The following TBC1D8B variants were observed in gnomAD, a reference collection of about 807,000 sequenced individuals.
TBC1D8B encodes RP11-321G1.1.
In TBC1D8B, 75 loss-of-function variants were observed where a neutral mutation model predicts 82.9. The observed-to-expected ratio is 0.90, with a 90% CI of 0.75 to 1.10. The LOEUF (loss-of-function observed/expected upper bound fraction) is 1.10, where lower values mean the gene tolerates loss of function less well. TBC1D8B is among the 50% of genes least tolerant of loss of function. The pLI is 0.00. For synonymous variants in TBC1D8B, 276 were observed against 276.8 expected (o/e 1.00, Z 0.03); for missense variants, 794 against 796.9 (o/e 1.00, Z 0.04).
intron 2 of TBC1D8B, among the ~76,000 whole-genome samples, chrX:106,819,166 A>C (rs1161878900): frequency 9.0e-6 from 1 of 110,950 alleles, no homozygotes; most frequent in Non-Finnish European, 1.9e-5. Context: ...GTGAACCCAA[A>C]ACATAATGAC....
intron 1 of TBC1D8B, among the ~76,000 whole-genome samples, chrX:106,812,610 G>A (rs1449465992): frequency 9.0e-6 from 1 of 111,026 alleles, no homozygotes; most frequent in Non-Finnish European, 1.9e-5. Context: ...TACTAAACTA[G>A]CACATTGATA....
chrX:106,872,419 C>A (rs1358839737), intron 20 of TBC1D8B, among the ~76,000 whole-genome samples: 2 of 93,598 alleles, frequency 2.1e-5, no homozygotes, highest in African/African-American at 8.4e-5. Flanking sequence ...TAACAAAGGA[C>A]TATGGGAGTT....
At chrX:106,847,279 T>A (rs1932478488) in intron 10 of TBC1D8B, among the ~76,000 whole-genome samples, 1 of 111,615 alleles carries the variant, frequency 9.0e-6, no homozygotes, top group Non-Finnish European at 1.9e-5. Flanking sequence ...AAATACTGTT[T>A]TAGAAGAATA....
intron 2 of TBC1D8B, among the ~76,000 whole-genome samples, chrX:106,819,948 G>T (rs1459971873): frequency 5.4e-5 from 6 of 110,225 alleles, no homozygotes; most frequent in African/African-American, 2.0e-4. Context: ...TTCCCCCATG[G>T]CTTTTATTTG....
chrX:106,816,373 A>T (rs933987030), intron 1 of TBC1D8B, among the ~76,000 whole-genome samples: 4 of 111,674 alleles, frequency 3.6e-5, no homozygotes, highest in Non-Finnish European at 7.5e-5. Flanking sequence ...CTATCTGCAT[A>T]TTTTGGCTCC....
intron 7 of TBC1D8B, chrX:106,829,102 A>G (rs1483512378): frequency 9.5e-6 from 1 of 105,796 alleles, no homozygotes; most frequent in African/African-American, 3.8e-5. Flanking sequence ...AAGTCTCAGG[A>G]TACAAAATCA....
At chrX:106,840,918 G>A (rs1932290679) in intron 10 of TBC1D8B, 34 bp downstream of exon 10, 1 of 1,136,925 alleles carries the variant, frequency 8.8e-7, no homozygotes, top group Non-Finnish European at 1.2e-6. Flanking sequence ...CTGTGTGTAT[G>A]TTCCAAATAA....
intron 10 of TBC1D8B, among the ~76,000 whole-genome samples, chrX:106,847,112 A>G (rs980357991): frequency 8.9e-6 from 1 of 111,969 alleles, no homozygotes; most frequent in Admixed American, 9.5e-5. Flanking sequence ...ATGTGTCCTG[A>G]GAAAAAAGTA....
intron 10 of TBC1D8B, among the ~76,000 whole-genome samples, chrX:106,843,237 T>C (rs1569453506): frequency 8.9e-6 from 1 of 111,957 alleles, no homozygotes; most frequent in Non-Finnish European, 1.9e-5. Context: ...ATATGATAAC[T>C]GTCTGTTTAA....
At chrX:106,842,611 CT>C (rs1932337263) in intron 10 of TBC1D8B, among the ~76,000 whole-genome samples, 11 of 83,950 alleles carry the variant, frequency 1.3e-4, no homozygotes, top group Non-Finnish European at 1.9e-4. Context: ...CTCTATCTAT[CT>C]ATCTATCTAT....
At chrX:106,807,916 G>C (rs1931244697) in intron 1 of TBC1D8B, among the ~76,000 whole-genome samples, 1 of 110,277 alleles carries the variant, frequency 9.1e-6, no homozygotes. Flanking sequence ...AGCCGGACTT[G>C]GTGGCGGGTG....
chrX:106,829,463 C>CA (rs1931965290), intron 7 of TBC1D8B: 1 of 78,731 alleles, frequency 1.3e-5, no homozygotes, highest in Admixed American at 1.4e-4. Flanking sequence ...CATATGGAAC[C>CA]AAAAAAGAGC....
At chrX:106,809,591 G>A (rs1310545087) in intron 1 of TBC1D8B, among the ~76,000 whole-genome samples, 1 of 111,094 alleles carries the variant, frequency 9.0e-6, no homozygotes. Flanking sequence ...GAATAAGACA[G>A]GAATAGTTCT....
At chrX:106,818,403 G>A (rs1602409087) in intron 1 of TBC1D8B, 1 of 251,465 alleles carries the variant, frequency 4.0e-6, no homozygotes. Context: ...CATAAGTGCT[G>A]CAGATACATT....
At chrX:106,811,891 T>C (rs2085779589) in intron 1 of TBC1D8B, among the ~76,000 whole-genome samples, 1 of 111,667 alleles carries the variant, frequency 9.0e-6, no homozygotes, top group Non-Finnish European at 1.9e-5. Flanking sequence ...TATTCTTTTT[T>C]TCCCAGAAGA....
intron 8 of TBC1D8B, 93 bp downstream of exon 8, chrX:106,839,550 C>G (rs1427821220): frequency 2.1e-6 from 2 of 948,734 alleles, no homozygotes. Context: ...CAACTGAAAA[C>G]TCTTCTTTTG....
chrX:106,824,185 G>A (rs1402955349), intron 5 of TBC1D8B, among the ~76,000 whole-genome samples: 1 of 111,564 alleles, frequency 9.0e-6, no homozygotes, highest in Non-Finnish European at 1.9e-5. Context: ...ACTAAAATGA[G>A]CATGCCAAAG....
chrX:106,857,400 G>A (rs1468863319), intron 14 of TBC1D8B, among the ~76,000 whole-genome samples: 2 of 111,712 alleles, frequency 1.8e-5, no homozygotes, highest in Admixed American at 9.5e-5. Context: ...TGATCCACCC[G>A]CCTCAGCCTC....
chrX:106,863,013 C>T (rs1257789569), intron 14 of TBC1D8B, among the ~76,000 whole-genome samples: 1 of 109,663 alleles, frequency 9.1e-6, no homozygotes, highest in Non-Finnish European at 1.9e-5. Flanking sequence ...TGTTCCCAGT[C>T]CACTGGCCTC....
Sources: allele counts gnomAD v4.1 joint callset (sites outside exome capture counted in the v4.1 genomes callset), GRCh38; gene constraint gnomAD v4.1.1; transcripts MANE v1.5; gene names NCBI Gene and HGNC (gene_info 2026-07-23, HGNC 2026-07-21).